POGZ: variants seen among roughly 807,000 people sequenced by gnomAD.
POGZ encodes pogo transposable element derived with ZNF domain.
POGZ carries 17 observed loss-of-function variants against 134.6 expected under a neutral mutation model. The ratio of observed to expected loss-of-function variants is 0.13; its 90% CI spans 0.09 to 0.19. The LOEUF is 0.19. Among genes scored for constraint, POGZ ranks in the 10% least tolerant of loss-of-function variants. The pLI is 1.00. For missense variants in POGZ, 1,306 were observed against 1,769.7 expected, an observed-to-expected ratio of 0.74 and a Z score of 4.70; for synonymous variants, 693 against 657.1, an observed-to-expected ratio of 1.05 and a Z score of -0.84.
chr1:151,437,040 A>G (rs1659701347), intron 3 of POGZ, among the ~76,000 whole-genome samples: 1 of 152,112 alleles, frequency 6.6e-6, no homozygotes, highest in Non-Finnish European at 1.5e-5. Context: ...CTAAAAATAC[A>G]AAAGTTAGCC....
At chr1:151,447,981 C>T (rs1661515694) in intron 1 of POGZ, among the ~76,000 whole-genome samples, 1 of 152,006 alleles carries the variant, frequency 6.6e-6, no homozygotes, top group Admixed American at 6.6e-5. Context: ...TAGAACCAAC[C>T]ATTTCTTCAA....
At position 151,429,498 on chromosome 1, in the gene POGZ, G is replaced by T. The variant is rs1041991844; in HGVS notation, c.568+105C>A. On this transcript the variant is annotated intron_variant, in intron 5 of 18. Coordinates refer to ENST00000271715, the MANE Select transcript of POGZ (RefSeq NM_015100.4). ...AATCATTAATATTTTTATATTTTTA[G>T]ATTTTCTTTAAATGTACTTACTAAA... 37 of 500,586 alleles carry T rather than the reference G, an allele frequency of 7.4e-5. No homozygotes were observed. The East Asian group carries it at 1.2e-3, about 16-fold the overall frequency. 31.0% of individuals were successfully genotyped at this position (500,586 alleles called of 1,614,324 possible). A position where few individuals can be genotyped will look rare whatever the true frequency, so the allele number is the denominator to read the frequency against.
chr1:151,435,709 G>A (rs1409877916), intron 3 of POGZ, among the ~76,000 whole-genome samples: 1 of 151,856 alleles, frequency 6.6e-6, no homozygotes, highest in Admixed American at 6.6e-5. Flanking sequence ...TGGTCAGGCT[G>A]GTCTTGAACT....
intron 10 of POGZ, among the ~76,000 whole-genome samples, chr1:151,419,254 T>C (rs1221677882): frequency 6.6e-6 from 1 of 151,780 alleles, no homozygotes; most frequent in Non-Finnish European, 1.5e-5. Context: ...CCCAGGAACT[T>C]GGGAGACTGA....
rs778651356 is a variant in POGZ at position 151,405,610 on chromosome 1, C to T, written c.3425G>A (p.Arg1142Gln). Residue 1142 changes from arginine to glutamine, a missense_variant, in exon 19 of 19, where the codon CGA becomes CAA. Around this residue, in one of 10 missense-constraint regions of POGZ, gnomAD observed 161 missense variants for 185.4 expected, o/e 0.87. Coordinates refer to ENST00000271715, the MANE Select transcript of POGZ (RefSeq NM_015100.4). The surrounding 1 kb of genome is among the most constrained non-coding windows in gnomAD (Gnocchi z 4.9). ...LDTEVLSSDD[R>Q]KENALQTVGT... ...CACTGTCTGCAGGGCATTCTCCTTT[C>T]GATCATCACTGCTCAGCACCTCTGT... 17 of 1,614,038 alleles carry T rather than the reference C, an allele frequency of 1.1e-5. No individual in the cohort carries two copies. The highest frequency in any genetic ancestry group is 2.2e-5 in the South Asian group (2 of 91,090).
chr1:151,428,077 C>G lies in POGZ; in HGVS notation c.860-36G>C, dbSNP rs1259516029. 9 of 1,613,142 alleles carry G rather than the reference C, an allele frequency of 5.6e-6. 1 individual carries two copies. The Admixed American group carries it at 1.3e-4, about 24-fold the overall frequency. On this transcript the variant is annotated intron_variant, in intron 6 of 18. Coordinates refer to ENST00000271715, the MANE Select transcript of POGZ (RefSeq NM_015100.4). ...CAAGTGATAATCATCTGTTCTCCAC[C>G]CACCATCCCAACCTGGCTCTGCCAT...
At position 151,406,091 on chromosome 1, in the gene POGZ, G is replaced by A. The variant is rs200768728; in HGVS notation, c.2944C>T (p.Leu982=). Residue 982 remains leucine (L), a synonymous_variant, in exon 19 of 19, where the codon CTG becomes TTG. Transcript: ENST00000271715. ...TCTGTATTGCAGCATAGAGCAAACA[G>A]TACTACTCGAAGCTTCTTCACAGAC... ...QLSVKKLRVV[L]FALCCNTEQA... is the part of the protein sequence containing the mutation. 6.2e-7 allele frequency: 1 copy of A among 1,614,230 alleles called. No individual in the cohort carries two copies. Among genetic ancestry groups the A allele is most frequent in the Non-Finnish European group, 8.5e-7 (1 of 1,180,034 alleles).
intron 3 of POGZ, among the ~76,000 whole-genome samples, chr1:151,433,681 T>A (rs1364168559): frequency 6.6e-6 from 1 of 151,054 alleles, no homozygotes; most frequent in Admixed American, 6.6e-5. Context: ...AAGACCAGAT[T>A]AGATTCACAA....
chr1:151,448,419 T>C (rs1372118323), intron 1 of POGZ, among the ~76,000 whole-genome samples: 2 of 151,914 alleles, frequency 1.3e-5, no homozygotes, highest in South Asian at 2.1e-4. Context: ...CGAGACCAGC[T>C]TGTGCAACAG....
chr1:151,406,756 T>G, intron 17 of POGZ, 125 bp from the exon 18 acceptor site: 1 of 1,031,166 alleles, frequency 9.7e-7, no homozygotes, highest in Non-Finnish European at 1.5e-6. Flanking sequence ...TTTCCCAGTT[T>G]TATATAAACT....
chr1:151,442,013 T>G lies in POGZ; in HGVS notation c.124+68A>C, dbSNP rs1660611759. On this transcript the variant is annotated intron_variant, in intron 2 of 18. Transcript: ENST00000271715. ...CTTCAAGTCCTTTTCCATCTCACAC[T>G]TTGTTAACCAAAATACCATTCAATT... 4 of 1,223,752 alleles carry G rather than the reference T, an allele frequency of 3.3e-6. No homozygotes were observed. In the East Asian group the frequency reaches 9.5e-5, roughly 29 times the overall value. 75.8% of individuals were successfully genotyped at this position (1,223,752 alleles called of 1,614,324 possible).
chr1:151,440,095 T>C (rs892476902), intron 3 of POGZ, among the ~76,000 whole-genome samples: 7 of 151,948 alleles, frequency 4.6e-5, no homozygotes, highest in African/African-American at 1.2e-4. Context: ...TATAGATGTA[T>C]ATAAAAATAA....
Position 151,411,663 on chromosome 1 carries a change from T to C in POGZ, c.1888A>G (p.Asn630Asp). 1 of 1,613,302 alleles carries C rather than the reference T, an allele frequency of 6.2e-7. No individual in the cohort carries two copies. Among genetic ancestry groups the C allele is most frequent in the South Asian group, 1.1e-5 (1 of 90,922 alleles). Reference sequence around the variant, plus strand: ...TAATGCTGTTGGAATGCATTGCCATTTTTGAAGACCTTCAGGCAATAAGGG... The same window carrying C: ...TAATGCTGTTGGAATGCATTGCCATCTTTGAAGACCTTCAGGCAATAAGGG... Reference protein sequence around the residue: ...LCPYCLKVFKNGNAFQQHYMR... With the variant: ...LCPYCLKVFKDGNAFQQHYMR... Residue 630 changes from asparagine to aspartate, a missense_variant, in exon 12 of 19, where the codon AAT becomes GAT. Asn to Asp is a conservative substitution (Grantham distance 23). Transcript: ENST00000271715.
chr1:151,441,710 A>C (rs189445057), intron 2 of POGZ, among the ~76,000 whole-genome samples: 12 of 152,138 alleles, frequency 7.9e-5, no homozygotes, highest in African/African-American at 2.9e-4. Context: ...AAACAAAATA[A>C]AACAAAAAAA....
Position 151,411,656 on chromosome 1 carries a change from T to A in POGZ, c.1895A>T (p.Asn632Ile), listed in dbSNP as rs144140159. The change falls in exon 12 of 19, where the codon AAT becomes ATT. Residue 632 changes from asparagine to isoleucine, a missense_variant. By Grantham distance (149) the Asn-to-Ile change is moderately radical. This residue lies in a region of POGZ where 149 missense variants were observed against 237.5 expected (regional missense o/e 0.63). Transcript: ENST00000271715. The stretch of plus-strand genomic sequence containing the variant: ...CCTCATGTAATGCTGTTGGAATGCA[T>A]TGCCATTTTTGAAGACCTTCAGGCA... ...PYCLKVFKNG[N>I]AFQQHYMRHQ... The A allele has an allele frequency of 4.3e-6, 7 of 1,612,870 alleles. No individual in the cohort carries two copies. Among genetic ancestry groups the A allele is most frequent in the Non-Finnish European group, 5.9e-6 (7 of 1,179,568 alleles).
chr1:151,425,021 T>C lies in POGZ; in HGVS notation c.1119A>G (p.Gly373=). ...CATTACATCGTGGACATATTTTCCGTCCACCATCCTGGAGGTCAAATACTG... is the reference window on the plus strand; with the variant it reads ...CATTACATCGTGGACATATTTTCCGCCCACCATCCTGGAGGTCAAATACTG... ...SIPVFDLQDG[G]RKICPRCNAQ... Residue 373 remains glycine, a synonymous_variant, in exon 8 of 19, where the codon GGA becomes GGG. Transcript: ENST00000271715. 1 of 1,596,970 alleles carries C rather than the reference T, an allele frequency of 6.3e-7. No individual in the cohort carries two copies. The highest frequency in any genetic ancestry group is 8.6e-7 in the Non-Finnish European group (1 of 1,168,276).
chr1:151,411,601 T>C (rs759640554), intron 12 of POGZ, 24 bp downstream of exon 12: 65 of 1,529,982 alleles, frequency 4.2e-5, no homozygotes, highest in Non-Finnish European at 5.5e-5. Flanking sequence ...CAAGAGAATA[T>C]GGGAATTGCT....
Position 151,428,189 on chromosome 1 carries a change from T to G in POGZ, c.793A>C (p.Thr265Pro), listed in dbSNP as rs879930926. 2.5e-6 allele frequency: 4 copies of G among 1,614,086 alleles called. No homozygotes were observed. The highest frequency in any genetic ancestry group is 3.4e-6 in the Non-Finnish European group (4 of 1,180,000). Residue 265 changes from threonine to proline, a missense_variant, in exon 6 of 19, where the codon ACC becomes CCC. This residue lies in a region of POGZ where 541 missense variants were observed against 680.5 expected (regional missense o/e 0.80). Coordinates refer to ENST00000271715, the MANE Select transcript of POGZ (RefSeq NM_015100.4). ...TSTTPTATQP[T>P]SLGQLAVQSP... ...TGAACAGCTAGTTGCCCCAGTGAGG[T>G]TGGCTGTGTGGCAGTGGGAGTGGTA...
intron 4 of POGZ, among the ~76,000 whole-genome samples, chr1:151,430,393 G>T (rs1329725035): frequency 6.6e-6 from 1 of 152,154 alleles, no homozygotes; most frequent in Admixed American, 6.5e-5. Context: ...AAGCGTTAAG[G>T]CTTCCTAATT....
Sources: gnomAD v4.1 joint callset for allele counts (sites outside exome capture counted in the v4.1 genomes callset) on GRCh38, gnomAD v4.1.1 for gene constraint, gnomAD v4.1.1 regional missense constraint, Gnocchi (gnomAD v3.1) non-coding constraint, MANE v1.5 for transcripts, NCBI Gene and HGNC (gene_info 2026-07-23, HGNC 2026-07-21) for gene names.